Variants in LILRB1 observed in about 807,000 individuals in gnomAD.
LILRB1 encodes leukocyte immunoglobulin-like receptor subfamily B member 1.
A neutral mutation model predicts 74.6 loss-of-function variants in LILRB1; 59 were observed. The ratio of observed to expected loss-of-function variants is 0.79; its 90% confidence interval spans 0.64 to 0.98. The LOEUF is 0.98. LILRB1 is among the 50% of genes least tolerant of loss of function. The pLI, the probability that LILRB1 is intolerant of heterozygous loss-of-function variation, is 0.00. For synonymous variants in LILRB1, 328 were observed against 333.9 expected (o/e 0.98, Z 0.19); for missense variants, 804 against 822.6 (o/e 0.98, Z 0.28).
In LILRB1 at chr19:54,635,575, CA is replaced by C. The variant is rs2064325629; in HGVS notation, c.1620del (p.Gln541SerfsTer22). 2 of 1,613,772 alleles carry C rather than the reference CA, an allele frequency of 1.2e-6. No individual in the cohort carries two copies. Among genetic ancestry groups the C allele is most frequent in the South Asian group, 2.2e-5 (2 of 91,002 alleles). On this transcript the variant is annotated frameshift_variant, in exon 13 of 15. Coordinates refer to ENST00000324602, the MANE Select transcript of LILRB1 (RefSeq NM_001081637.3). LOFTEE classifies it high-confidence loss of function. ...CCAGCAGATGCTGCCGTGAAGCACA[CA>C]CAGCCTGAGGATGGGGTGGAGATGG... ...EENLYAAVKH[T>X]QPEDGVEMDT...
chr19:54,617,447 T>G (rs1283699140), intron 1 of LILRB1: 1 of 152,200 alleles, frequency 6.6e-6, no homozygotes, highest in Non-Finnish European at 1.5e-5. Flanking sequence ...CTGTTACCTT[T>G]CTACTGAGAT....
chr19:54,617,682 G>A (rs1458897886), intron 1 of LILRB1, among the ~76,000 whole-genome samples: 1 of 151,930 alleles, frequency 6.6e-6, no homozygotes, highest in Non-Finnish European at 1.5e-5. Flanking sequence ...TAACACACCA[G>A]ACTTCTTCCT....
intron 1 of LILRB1, among the ~76,000 whole-genome samples, chr19:54,623,897 G>A (rs1377060331): frequency 6.6e-6 from 1 of 152,210 alleles, no homozygotes; most frequent in Non-Finnish European, 1.5e-5. Context: ...GTTGGGAAGG[G>A]TCTTTTGGCT....
chr19:54,635,150 A>G lies in LILRB1; in HGVS notation c.1533A>G (p.Pro511=). Reference sequence around the variant, plus strand: ...AACATCCTGCAGGGGCTGTGGGGCCAGAGCCCACAGACAGAGGCCTGCAGT... The same window carrying G: ...AACATCCTGCAGGGGCTGTGGGGCCGGAGCCCACAGACAGAGGCCTGCAGT... ...DFQHPAGAVG[P]EPTDRGLQWR... Residue 511 remains proline (P), a synonymous_variant, in exon 11 of 15, where the codon CCA becomes CCG. Transcript: ENST00000324602. 1.3e-6 allele frequency: 2 copies of G among 1,593,278 alleles called. No homozygotes were observed. Among genetic ancestry groups the G allele is most frequent in the Admixed American group, 1.7e-5 (1 of 58,824 alleles).
chr19:54,628,344 A>G (rs1361460380), upstream of LILRB1, among the ~76,000 whole-genome samples: 1 of 152,164 alleles, frequency 6.6e-6, no homozygotes, highest in Non-Finnish European at 1.5e-5. Flanking sequence ...GATATTTGAG[A>G]ATGTTAGCAT....
In LILRB1 at chr19:54,633,131, C is replaced by A; in HGVS notation, c.1074C>A (p.Thr358=). 6.2e-7 allele frequency: 1 copy of A among 1,614,258 alleles called. No homozygotes were observed. Among genetic ancestry groups the A allele is most frequent in the Non-Finnish European group, 8.5e-7 (1 of 1,180,038 alleles). Residue 358 remains threonine, a synonymous_variant, in exon 7 of 15, where the codon ACC becomes ACA. Transcript: ENST00000324602. ...SQGWMQTFLL[T]KEGAADDPWR... is the part of the protein sequence containing the mutation. ...GATGGATGCAAACTTTCCTTCTGAC[C>A]AAGGAGGGGGCAGCTGATGACCCAT...
Position 54,633,309 on chromosome 19 carries a change from G to T in LILRB1, c.1252G>T (p.Val418Leu), listed in dbSNP as rs772220693. 1 of 1,613,654 alleles carries T rather than the reference G, an allele frequency of 6.2e-7. No homozygotes were observed. Among genetic ancestry groups the T allele is most frequent in the Non-Finnish European group, 8.5e-7 (1 of 1,179,658 alleles). The change falls in exon 7 of 15, where the codon GTG (valine) becomes TTG (leucine). Residue 418 changes from valine to leucine, a missense_variant. Coordinates refer to ENST00000324602, the MANE Select transcript of LILRB1 (RefSeq NM_001081637.3). ...TCACCCCAGTGACCCCCTGGAGCTC[G>T]TGGTCTCAGGTGGGGGCCTTGACCC... Reference protein sequence around the residue: ...LTHPSDPLELVVSGPSGGPSS... With the variant: ...LTHPSDPLELLVSGPSGGPSS...
At chr19:54,632,935 G>A (rs1010654548) in intron 6 of LILRB1, 81 bp from the exon 7 acceptor site, 7 of 1,562,782 alleles carry the variant, frequency 4.5e-6, no homozygotes, top group Non-Finnish European at 6.1e-6. Context: ...CAGAGACACT[G>A]AGGGTCCCAG....
upstream of LILRB1, among the ~76,000 whole-genome samples, chr19:54,626,731 C>T (rs2063599849): frequency 6.6e-6 from 1 of 152,104 alleles, no homozygotes; most frequent in South Asian, 2.1e-4. Flanking sequence ...TTTTATTTCT[C>T]TTGGGTGGGT....
rs749360531 is a variant in LILRB1, at chr19:54,632,008, G to A, written c.432G>A (p.Gln144=). The A allele has an allele frequency of 2.5e-6, 4 of 1,614,050 alleles. No homozygotes were observed. The East Asian group carries it at 6.7e-5, about 27-fold the overall frequency. Residue 144 remains glutamine, a synonymous_variant, in exon 5 of 15, where the codon CAG becomes CAA. Coordinates refer to ENST00000324602, the MANE Select transcript of LILRB1 (RefSeq NM_001081637.3). ...ACTCAGGAGGGAATGTAACCCTCCAGTGTGACTCACAGGTGGCATTTGATG... is the reference window on the plus strand; with the variant it reads ...ACTCAGGAGGGAATGTAACCCTCCAATGTGACTCACAGGTGGCATTTGATG... ...VVNSGGNVTL[Q]CDSQVAFDGF...
intron 10 of LILRB1, 86 bp from the exon 11 acceptor site, chr19:54,635,018 G>T: frequency 7.4e-7 from 1 of 1,358,042 alleles, no homozygotes; most frequent in Non-Finnish European, 1.0e-6. Flanking sequence ...AGTGTTTTTA[G>T]GTTTCCTTCC....
intron 1 of LILRB1, among the ~76,000 whole-genome samples, chr19:54,625,203 A>C (rs1159616174): frequency 1.4e-5 from 2 of 145,510 alleles, no homozygotes; most frequent in Non-Finnish European, 3.1e-5. Context: ...GGGTGGGGGC[A>C]GGACGGGTGA....
intron 1 of LILRB1, 91 bp downstream of exon 1, chr19:54,630,724 T>C: frequency 1.7e-6 from 1 of 596,486 alleles, no homozygotes; most frequent in Non-Finnish European, 2.9e-6. Context: ...ATGCCTCCGC[T>C]ACCCTCGTCA....
chr19:54,617,507 A>ATTAATATC (rs901034284), intron 1 of LILRB1, among the ~76,000 whole-genome samples: 1 of 151,776 alleles, frequency 6.6e-6, no homozygotes, highest in African/African-American at 2.4e-5. Flanking sequence ...GTAAATTTAT[A>ATTAATATC]TTAATATCTC....
chr19:54,625,684 C>A (rs2063563322), upstream of LILRB1, among the ~76,000 whole-genome samples: 1 of 135,780 alleles, frequency 7.4e-6, no homozygotes, highest in Non-Finnish European at 1.6e-5. Flanking sequence ...TCTCACTCAC[C>A]CCTTCCCCGT....
At position 54,636,198 on chromosome 19, in the gene LILRB1, G is replaced by A. The variant is rs867920957; in HGVS notation, c.1654-296G>A. ...GAAGCCTGGACAGAGTGGGGCACAC[G>A]ATCCTCTGATGGACGAGCCCCTGCA... On this transcript the variant is annotated intron_variant, in intron 13 of 14. Transcript: ENST00000324602. 2.7e-5 allele frequency: 16 copies of A among 590,256 alleles called. No homozygotes were observed. In the Middle Eastern group the frequency reaches 3.1e-3, roughly 114 times the overall value. The allele number at this position is 590,256 out of a possible 1,614,324, so 36.6% of individuals were successfully genotyped here.
chr19:54,631,363 C>A, intron 3 of LILRB1, 57 bp downstream of exon 3: 3 of 1,613,476 alleles, frequency 1.9e-6, no homozygotes, highest in East Asian at 2.2e-5. Flanking sequence ...CAAGGGGCCA[C>A]CCCCGTGCCG....
Position 54,621,443 on chromosome 19 carries a change from T to A in LILRB1, c.-166+4094T>A, listed in dbSNP as rs78661066. Among the ~76,000 whole-genome samples the A allele has an allele frequency of 5.5e-3, 832 of 152,338 alleles. 11 individuals carry two copies. Among genetic ancestry groups the A allele is most frequent in the African/African-American group, 0.018 (764 of 41,578 alleles). ...ATGATTAATGATGTTGAGCATTTTT[T>A]AATGTGTTTGTTGGCCACTTATATT... On this transcript the variant is annotated intron_variant, in intron 1 of 15. Coordinates refer to the LILRB1 transcript ENST00000396331.
chr19:54,634,507 G>A lies in LILRB1; in HGVS notation c.1364-134G>A, dbSNP rs2064216692. ...TCAGTTTTTCATCTGTACAGTGGGT[G>A]GGGTGGATGTTTCTGTGCTGCACGA... is the stretch of plus-strand genomic sequence containing the variant. On this transcript the variant is annotated intron_variant, in intron 9 of 14. Transcript: ENST00000324602. 2.0e-6 allele frequency: 3 copies of A among 1,520,538 alleles called. No individual in the cohort carries two copies. In the East Asian group the frequency reaches 7.4e-5, roughly 37 times the overall value. 94.2% of individuals were successfully genotyped at this position (1,520,538 alleles called of 1,614,324 possible).
Sources: gnomAD v4.1 joint callset for allele counts (sites outside exome capture counted in the v4.1 genomes callset) on GRCh38, gnomAD v4.1.1 for gene constraint, MANE v1.5 for transcripts, NCBI Gene and HGNC (gene_info 2026-07-23, HGNC 2026-07-21) for gene names.